The following AGPAT4 variants were observed in gnomAD, a reference collection of about 807,000 sequenced individuals.
The protein encoded by AGPAT4 is 1-acylglycerol-3-phosphate O-acyltransferase 4, also known as 1-acyl-sn-glycerol-3-phosphate acyltransferase delta.
In AGPAT4, 15 loss-of-function variants were observed where a neutral mutation model predicts 48.0. The observed-to-expected ratio is 0.31, with a 90% confidence interval of 0.21 to 0.48. The LOEUF is 0.48. Among genes scored for constraint, AGPAT4 ranks in the 20% least tolerant of loss-of-function variants. AGPAT4 has a pLI of 0.99. For missense variants in AGPAT4, 314 were observed against 482.5 expected, an observed-to-expected ratio of 0.65 and a Z score of 3.27; for synonymous variants, 178 against 198.7, an observed-to-expected ratio of 0.90 and a Z score of 0.88.
At position 161,234,868 on chromosome 6, in the gene AGPAT4, T is replaced by C. The variant is rs1389422826; in HGVS notation, c.-89-2566A>G. On this transcript the variant is annotated intron_variant, in intron 1 of 8. Transcript: ENST00000320285. This position sits in a 1 kb window ranked among gnomAD's most constrained non-coding sequence, Gnocchi z 4.4. ...AATATTAGGGCATTAGGAAGAAAAA[T>C]TAAGAATTCTTTTTTCCTTATAAAA... Among the ~76,000 whole-genome samples, 1 of 152,072 alleles carries C rather than the reference T, an allele frequency of 6.6e-6. No homozygotes were observed. The highest frequency in any genetic ancestry group is 1.9e-4 in the East Asian group (1 of 5,180).
intron 1 of AGPAT4, among the ~76,000 whole-genome samples, chr6:161,247,629 C>A (rs1782690416): frequency 2.0e-5 from 3 of 152,166 alleles, no homozygotes; most frequent in Non-Finnish European, 2.9e-5. Context: ...CGGAAGCATT[C>A]CCCCTGAAAA....
In AGPAT4 at chr6:161,238,490, A is replaced by C. The variant is rs1232799433; in HGVS notation, c.-89-6188T>G. 6.6e-6 allele frequency among the ~76,000 whole-genome samples: 1 copy of C among 152,128 alleles called. No homozygotes were observed. On this transcript the variant is annotated intron_variant, in intron 1 of 8. Transcript: ENST00000320285. The surrounding 1 kb of genome is among the most constrained non-coding windows in gnomAD (Gnocchi z 5.2). ...TAGATCAAGACATTGTCTTTAATTT[A>C]CCTGTAATGTGTTAAAGCATCCTCC... is the stretch of plus-strand genomic sequence containing the variant.
At position 161,164,747 on chromosome 6, in the gene AGPAT4, C is replaced by T. The variant is rs563345611; in HGVS notation, c.348+1501G>A. On this transcript the variant is annotated intron_variant, in intron 3 of 8. Transcript: ENST00000320285. The surrounding 1 kb of genome is among the most constrained non-coding windows in gnomAD (Gnocchi z 7.4). ...GAGTGAGCTCGTGGGTGTAATGCCA[C>T]CAAGGGGCAAGCAGGGATTGGAAGG... Among the ~76,000 whole-genome samples the T allele has an allele frequency of 6.6e-6, 1 of 152,232 alleles. No homozygotes were observed. The highest frequency in any genetic ancestry group is 1.9e-4 in the East Asian group (1 of 5,166).
Position 161,141,832 on chromosome 6 carries a change from C to G in AGPAT4, c.844-2212G>C, listed in dbSNP as rs1779260324. ...CAAGAAGAAAAAAGCACTCCCTTTT[C>G]TAGGAGCTTCCCAACTCAGAACTTC... On this transcript the variant is annotated intron_variant, in intron 7 of 8. Transcript: ENST00000320285. This position sits in a 1 kb window ranked among gnomAD's most constrained non-coding sequence, Gnocchi z 6.7. Among the ~76,000 whole-genome samples the G allele has an allele frequency of 6.6e-6, 1 of 152,276 alleles. No homozygotes were observed. Among genetic ancestry groups the G allele is most frequent in the East Asian group, 1.9e-4 (1 of 5,172 alleles).
In AGPAT4 at chr6:161,245,829, A is replaced by G. The variant is rs562725636; in HGVS notation, c.-89-13527T>C. 5.3e-5 allele frequency among the ~76,000 whole-genome samples: 8 copies of G among 152,324 alleles called. No homozygotes were observed. In the South Asian group the frequency reaches 1.2e-3, roughly 24 times the overall value. ...TAAATCTCTCATTTCTTTGATTTTCATAAAGGATGCCAAATGAACCCAGGC... is the reference window on the plus strand; with the variant it reads ...TAAATCTCTCATTTCTTTGATTTTCGTAAAGGATGCCAAATGAACCCAGGC... On this transcript the variant is annotated intron_variant, in intron 1 of 8. Coordinates refer to ENST00000320285, the MANE Select transcript of AGPAT4 (RefSeq NM_020133.3). This position sits in a 1 kb window ranked among gnomAD's most constrained non-coding sequence, Gnocchi z 5.2.
In AGPAT4 at chr6:161,189,517, C is replaced by T. The variant is rs954631105; in HGVS notation, c.179-23100G>A. 2.6e-5 allele frequency among the ~76,000 whole-genome samples: 4 copies of T among 152,226 alleles called. No individual in the cohort carries two copies. In the East Asian group the frequency reaches 7.7e-4, roughly 29 times the overall value. ...ATTCACTTACTTACAACCTTAGTTG[C>T]CCGTCAGGACTATCCCTCCTCTGCA... On this transcript the variant is annotated intron_variant, in intron 2 of 8. Coordinates refer to ENST00000320285, the MANE Select transcript of AGPAT4 (RefSeq NM_020133.3). The surrounding 1 kb of genome is among the most constrained non-coding windows in gnomAD (Gnocchi z 5.3).
chr6:161,230,517 G>C (rs1782096285), intron 2 of AGPAT4, among the ~76,000 whole-genome samples: 1 of 152,218 alleles, frequency 6.6e-6, no homozygotes, highest in African/African-American at 2.4e-5. Context: ...TCAGTCAACT[G>C]TCTCCTTTCC....
Position 161,165,505 on chromosome 6 carries a change from G to T in AGPAT4, c.348+743C>A. The T allele has an allele frequency of 9.9e-7, 1 of 1,013,508 alleles. No individual in the cohort carries two copies. Among genetic ancestry groups the T allele is most frequent in the East Asian group, 6.1e-5 (1 of 16,308 alleles). The allele number at this position is 1,013,508 out of a possible 1,614,324, so 62.8% of individuals were successfully genotyped here. On this transcript the variant is annotated intron_variant, in intron 3 of 8. Transcript: ENST00000320285. This position sits in a 1 kb window ranked among gnomAD's most constrained non-coding sequence, Gnocchi z 5.5. Reference sequence around the variant, plus strand: ...TGCAAAACCTGATCTCTAAGTTCTGGTGCAAACTCTTAGGACCTTTCCTAG... The same window carrying T: ...TGCAAAACCTGATCTCTAAGTTCTGTTGCAAACTCTTAGGACCTTTCCTAG...
Position 161,161,703 on chromosome 6 carries a change from G to C in AGPAT4, c.348+4545C>G, listed in dbSNP as rs1359919951. On this transcript the variant is annotated intron_variant, in intron 3 of 8. Coordinates refer to ENST00000320285, the MANE Select transcript of AGPAT4 (RefSeq NM_020133.3). The surrounding 1 kb of genome is among the most constrained non-coding windows in gnomAD (Gnocchi z 4.6). The stretch of plus-strand genomic sequence containing the variant: ...ACAAGTGCATGTGTATGAAGAAGCT[G>C]GGGTAAAGGCGGTGAAATAATGCTG... 2 of 344,182 alleles carry C rather than the reference G, an allele frequency of 5.8e-6. No individual in the cohort carries two copies. Among genetic ancestry groups the C allele is most frequent in the Non-Finnish European group, 1.2e-5 (2 of 172,706 alleles). 21.3% of individuals were successfully genotyped at this position (344,182 alleles called of 1,614,324 possible).
rs60104618 is a variant in AGPAT4, at chr6:161,187,504, CATTTATTTATTTATTTATTT to C, written c.179-21107_179-21088del. Among the ~76,000 whole-genome samples, 155 of 143,952 alleles carry C rather than the reference CATTTATTTATTTATTTATTT, an allele frequency of 1.1e-3. 1 individual carries two copies. Among genetic ancestry groups the C allele is most frequent in the Middle Eastern group, 3.5e-3 (1 of 284 alleles). 94.4% of individuals were successfully genotyped at this position (143,952 alleles called of 152,430 possible). ...TTAAGGATGGTATGGTCCTGAAGCCCATTTATTTATTTATTTATTTATTTATTTATTTATTTATTTATTTA... is the reference window on the plus strand; with the variant it reads ...TTAAGGATGGTATGGTCCTGAAGCCCATTTATTTATTTATTTATTTATTTA... On this transcript the variant is annotated intron_variant, in intron 2 of 8. Coordinates refer to ENST00000320285, the MANE Select transcript of AGPAT4 (RefSeq NM_020133.3).
At position 161,146,652 on chromosome 6, in the gene AGPAT4, T is replaced by G; in HGVS notation, c.768-53A>C. 6.4e-7 allele frequency: 1 copy of G among 1,559,812 alleles called. No individual in the cohort carries two copies. The highest frequency in any genetic ancestry group is 8.8e-7 in the Non-Finnish European group (1 of 1,132,068). ...GAGGAGGTGATGCCCCCCTACAACATACAGTTTCCAGTAACGGTGCTGCCG... is the reference window on the plus strand; with the variant it reads ...GAGGAGGTGATGCCCCCCTACAACAGACAGTTTCCAGTAACGGTGCTGCCG... On this transcript the variant is annotated intron_variant, in intron 6 of 8. Coordinates refer to ENST00000320285, the MANE Select transcript of AGPAT4 (RefSeq NM_020133.3). The surrounding 1 kb of genome is among the most constrained non-coding windows in gnomAD (Gnocchi z 7.1).
At chr6:161,258,527 T>A (rs1182726383) in intron 1 of AGPAT4, among the ~76,000 whole-genome samples, 1 of 152,148 alleles carries the variant, frequency 6.6e-6, no homozygotes, top group Non-Finnish European at 1.5e-5. Flanking sequence ...AAAACACAAC[T>A]AAAATTGACA....
rs1483673651 is a variant in AGPAT4 at position 161,201,361 on chromosome 6, T to C, written c.178+30675A>G. Among the ~76,000 whole-genome samples the C allele has an allele frequency of 6.6e-6, 1 of 152,188 alleles. No individual in the cohort carries two copies. The highest frequency in any genetic ancestry group is 2.4e-5 in the African/African-American group (1 of 41,436). ...GAAAAGGAAATTACAGGAACCAATT[T>C]ACCTTTTTTTTCAGTCTTATTTTTA... is the stretch of plus-strand genomic sequence containing the variant. On this transcript the variant is annotated intron_variant, in intron 2 of 8. Transcript: ENST00000320285. This position sits in a 1 kb window ranked among gnomAD's most constrained non-coding sequence, Gnocchi z 6.0.
At chr6:161,209,170 G>A (rs1485648745) in intron 2 of AGPAT4, among the ~76,000 whole-genome samples, 1 of 152,176 alleles carries the variant, frequency 6.6e-6, no homozygotes, top group Non-Finnish European at 1.5e-5. Context: ...AGTGACATGA[G>A]TTCCCCCACT....
At chr6:161,181,940 C>A (rs1013927898) in intron 2 of AGPAT4, among the ~76,000 whole-genome samples, 5 of 152,144 alleles carry the variant, frequency 3.3e-5, no homozygotes, top group African/African-American at 1.2e-4. Flanking sequence ...AGCACAGATA[C>A]GTCCACAGCA....
At position 161,154,350 on chromosome 6, in the gene AGPAT4, C is replaced by T. The variant is rs767484715; in HGVS notation, c.349-40G>A. 33 of 1,611,276 alleles carry T rather than the reference C, an allele frequency of 2.0e-5. No homozygotes were observed. The highest frequency in any genetic ancestry group is 1.7e-4 in the Admixed American group (10 of 59,610). On this transcript the variant is annotated intron_variant, in intron 3 of 8. Transcript: ENST00000320285. The surrounding 1 kb of genome is among the most constrained non-coding windows in gnomAD (Gnocchi z 7.8). ...GGAGCCCAGGTGCCCATGAAGGAGA[C>T]GTCAGAGCCACCTGCCGGGGCTGTT...
At position 161,143,699 on chromosome 6, in the gene AGPAT4, A is replaced by G. The variant is rs1389757150; in HGVS notation, c.843+2825T>C. Among the ~76,000 whole-genome samples the G allele has an allele frequency of 6.6e-6, 1 of 152,184 alleles. No homozygotes were observed. Among genetic ancestry groups the G allele is most frequent in the Non-Finnish European group, 1.5e-5 (1 of 68,042 alleles). The stretch of plus-strand genomic sequence containing the variant: ...TGCTGACGAGCAAGAAATACTGTGC[A>G]TTTTTCATAAAGCTAAACTAGGTCC... On this transcript the variant is annotated intron_variant, in intron 7 of 8. Coordinates refer to ENST00000320285, the MANE Select transcript of AGPAT4 (RefSeq NM_020133.3). The surrounding 1 kb of genome is among the most constrained non-coding windows in gnomAD (Gnocchi z 4.7).
chr6:161,231,803 CT>C lies in AGPAT4; in HGVS notation c.178+232del, dbSNP rs1417376745. Among the ~76,000 whole-genome samples the C allele has an allele frequency of 6.6e-6, 1 of 152,114 alleles. No homozygotes were observed. Among genetic ancestry groups the C allele is most frequent in the Non-Finnish European group, 1.5e-5 (1 of 68,020 alleles). On this transcript the variant is annotated intron_variant, in intron 2 of 8. Coordinates refer to ENST00000320285, the MANE Select transcript of AGPAT4 (RefSeq NM_020133.3). This position sits in a 1 kb window ranked among gnomAD's most constrained non-coding sequence, Gnocchi z 5.3. ...AAGAAACTAATGGAATGCGTATTTA[CT>C]TTTCATAGTATACCTGTCTGTGGCT...
rs1278990335 is a variant in AGPAT4 at position 161,166,385 on chromosome 6, T to C, written c.211A>G (p.Thr71Ala). Residue 71 changes from threonine to alanine, a missense_variant, in exon 3 of 9, where the codon ACG (threonine) becomes GCG (alanine). Coordinates refer to ENST00000320285, the MANE Select transcript of AGPAT4 (RefSeq NM_020133.3). This position sits in a 1 kb window ranked among gnomAD's most constrained non-coding sequence, Gnocchi z 6.7. ...LVMLLEWWSG[T>A]ECTIFTDPRA... ...GGGTCCGTGAAGATGGTGCATTCCG[T>C]GCCCGACCACCACTCCAGCAGCATC... The C allele has an allele frequency of 6.2e-7, 1 of 1,612,356 alleles. No individual in the cohort carries two copies.
Sources: allele counts gnomAD v4.1 joint callset (sites outside exome capture counted in the v4.1 genomes callset), GRCh38; gene constraint gnomAD v4.1.1; non-coding constraint Gnocchi (gnomAD v3.1); transcripts MANE v1.5; gene names NCBI Gene and HGNC (gene_info 2026-07-23, HGNC 2026-07-21).